PDE2A: variants seen among roughly 807,000 people sequenced by gnomAD.
The protein encoded by PDE2A is cGMP-dependent 3',5'-cyclic phosphodiesterase.
In PDE2A, 53 loss-of-function variants were observed where a neutral mutation model predicts 133.6. The ratio of observed to expected loss-of-function variants is 0.40; its 90% confidence interval spans 0.32 to 0.50. The LOEUF (loss-of-function observed/expected upper bound fraction) is 0.50. Ranked by LOEUF, PDE2A falls within the 20% of genes least tolerant of loss-of-function variation. The pLI is 0.73. For synonymous variants in PDE2A, 491 were observed against 490.2 expected (o/e 1.00, Z -0.02); for missense variants, 796 against 1,232.4 (o/e 0.65, Z 5.30).
chr11:72,647,094 G>A (rs1459172202), intron 1 of PDE2A, among the ~76,000 whole-genome samples: 3 of 152,166 alleles, frequency 2.0e-5, no homozygotes, highest in Non-Finnish European at 4.4e-5. Context: ...GAGCCCTGTG[G>A]TGCCCAGTGA....
intron 1 of PDE2A, among the ~76,000 whole-genome samples, chr11:72,666,204 G>A (rs1325651264): frequency 6.6e-6 from 1 of 152,128 alleles, no homozygotes; most frequent in Admixed American, 6.5e-5. Flanking sequence ...CTGCTCTAGG[G>A]GCTGGAGGGA....
In PDE2A at chr11:72,584,963, G is replaced by A; in HGVS notation, c.1287-19C>T. The A allele has an allele frequency of 1.2e-6, 2 of 1,612,840 alleles. No individual in the cohort carries two copies. Among genetic ancestry groups the A allele is most frequent in the Non-Finnish European group, 1.7e-6 (2 of 1,178,846 alleles). The stretch of plus-strand genomic sequence containing the variant: ...AGAGCAGCTGTGGAGGGAGGGGTTT[G>A]GTCCTCTGGGGCCTGACAACCCCCT... On this transcript the variant is annotated intron_variant, in intron 16 of 30. Coordinates refer to ENST00000334456, the MANE Select transcript of PDE2A (RefSeq NM_002599.5).
At chr11:72,599,129 G>T in intron 4 of PDE2A, 1 of 621,342 alleles carries the variant, frequency 1.6e-6, no homozygotes, top group Non-Finnish European at 2.0e-6. Context: ...TGCGTTGCTG[G>T]TCAGTGCGCA....
intron 2 of PDE2A, among the ~76,000 whole-genome samples, chr11:72,638,489 A>T (rs1213729552): frequency 6.6e-6 from 1 of 152,178 alleles, no homozygotes; most frequent in Admixed American, 6.5e-5. Flanking sequence ...GAGGGTGCAC[A>T]TGCGGAGCCC....
chr11:72,597,533 G>T lies in PDE2A; in HGVS notation c.410C>A (p.Ala137Asp). The T allele has an allele frequency of 6.2e-7, 1 of 1,608,542 alleles. No individual in the cohort carries two copies. Residue 137 changes from alanine (A) to aspartate (D), a missense_variant, in exon 5 of 31, where the codon GCT becomes GAT. By Grantham distance (126) the Ala-to-Asp change is moderately radical. Around this residue, in one of 7 missense-constraint regions of PDE2A, gnomAD observed 417 missense variants for 475.3 expected, o/e 0.88. Transcript: ENST00000334456. The surrounding 1 kb of genome is among the most constrained non-coding windows in gnomAD (Gnocchi z 4.6). Reference protein sequence around the residue: ...LPGKPLARLVAPLAPDTQVLV... With the variant: ...LPGKPLARLVDPLAPDTQVLV... ...ACCTTGGGTATCAGGAGCCAGTGGA[G>T]CCACCAGCCTGGCCAAGGGCTTCCC...
intron 1 of PDE2A, among the ~76,000 whole-genome samples, chr11:72,671,087 C>T (rs1021299220): frequency 6.6e-6 from 1 of 152,182 alleles, no homozygotes; most frequent in African/African-American, 2.4e-5. Flanking sequence ...GTGATTCCTA[C>T]CCATCCTTCA....
chr11:72,598,380 A>G, intron 4 of PDE2A: 1 of 530,726 alleles, frequency 1.9e-6, no homozygotes, highest in South Asian at 1.7e-5. Flanking sequence ...AGGGTATGAC[A>G]GTGGCAGAGG....
chr11:72,614,092 C>G (rs1389163304), intron 2 of PDE2A, among the ~76,000 whole-genome samples: 2 of 152,244 alleles, frequency 1.3e-5, no homozygotes, highest in South Asian at 4.1e-4. Context: ...CTCCTCGCAG[C>G]CTTACAGCAC....
At position 72,587,428 on chromosome 11, in the gene PDE2A, T is replaced by C. The variant is rs184417574; in HGVS notation, c.1071-1247A>G. ...ATGCAGTCATTCAACACTCACTCCCTGAAATGCGTGGGACACAGAGATAGC... is the reference window on the plus strand; with the variant it reads ...ATGCAGTCATTCAACACTCACTCCCCGAAATGCGTGGGACACAGAGATAGC... On this transcript the variant is annotated intron_variant, in intron 13 of 30. Transcript: ENST00000334456. Among the ~76,000 whole-genome samples the C allele has an allele frequency of 7.8e-3, 1,190 of 152,314 alleles. 11 individuals are homozygous for C. The highest frequency in any genetic ancestry group is 0.031 in the Middle Eastern group (9 of 294).
intron 19 of PDE2A, 96 bp downstream of exon 19, chr11:72,584,102 TCAA>T: frequency 1.5e-6 from 1 of 684,940 alleles, no homozygotes; most frequent in South Asian, 1.7e-5. Flanking sequence ...GACCAAGGGA[TCAA>T]TCCACAAGGA....
At chr11:72,660,220 G>A (rs1288665361) in intron 1 of PDE2A, among the ~76,000 whole-genome samples, 1 of 152,152 alleles carries the variant, frequency 6.6e-6, no homozygotes, top group East Asian at 1.9e-4. Flanking sequence ...TGTAAATTAT[G>A]CCTCCATAAA....
At chr11:72,655,538 T>C (rs918729883) in intron 1 of PDE2A, among the ~76,000 whole-genome samples, 1 of 151,750 alleles carries the variant, frequency 6.6e-6, no homozygotes. Context: ...TGTGTGTGTG[T>C]GCACAGGTGA....
intron 2 of PDE2A, chr11:72,631,176 AG>A (rs1423989858): frequency 6.7e-7 from 1 of 1,494,078 alleles, no homozygotes; most frequent in African/African-American, 1.4e-5. Context: ...GAGGCCGGCC[AG>A]GCCTTCTCCC....
intron 6 of PDE2A, among the ~76,000 whole-genome samples, chr11:72,592,583 G>C (rs902250876): frequency 1.3e-5 from 2 of 152,196 alleles, no homozygotes; most frequent in Admixed American, 6.5e-5. Flanking sequence ...AGACCTTGAA[G>C]AGACCAGGAC....
At chr11:72,583,312 G>T (rs1195850279) in intron 20 of PDE2A, 126 bp downstream of exon 20, 2 of 694,362 alleles carry the variant, frequency 2.9e-6, no homozygotes, top group Non-Finnish European at 5.1e-6. Flanking sequence ...CCTAAGGAGG[G>T]CAGGAGGCCT....
rs187793366 is a variant in PDE2A at position 72,608,424 on chromosome 11, C to T, written c.234+238G>A. ...TTCCACTTAACCTCTAAGGCCCCTT[C>T]TGGCTCAGCCATTGCAGGATTCCTA... On this transcript the variant is annotated intron_variant, in intron 3 of 30. Coordinates refer to ENST00000334456, the MANE Select transcript of PDE2A (RefSeq NM_002599.5). Among the ~76,000 whole-genome samples, 23 of 152,348 alleles carry T rather than the reference C, an allele frequency of 1.5e-4. No homozygotes were observed. In the East Asian group the frequency reaches 4.2e-3, roughly 28 times the overall value.
At chr11:72,650,952 G>A (rs1854724594) in intron 1 of PDE2A, among the ~76,000 whole-genome samples, 1 of 150,838 alleles carries the variant, frequency 6.6e-6, no homozygotes, top group South Asian at 2.1e-4. Flanking sequence ...TAAGAGCTGA[G>A]CCCATCAGAG....
At chr11:72,625,190 C>T (rs1030938659) in intron 2 of PDE2A, among the ~76,000 whole-genome samples, 1 of 152,216 alleles carries the variant, frequency 6.6e-6, no homozygotes, top group Non-Finnish European at 1.5e-5. Flanking sequence ...TCTGCCTCCC[C>T]ACTCCAACAT....
In PDE2A at chr11:72,579,718, G is replaced by C. The variant is rs74625945; in HGVS notation, c.2182-110C>G. On this transcript the variant is annotated intron_variant, in intron 25 of 30. Coordinates refer to ENST00000334456, the MANE Select transcript of PDE2A (RefSeq NM_002599.5). ...TCCAGCTCCAGCCCCCAGGTCAGCAGAGCAGTCAGAAAGGGGGAGTCAGGG... is the reference window on the plus strand; with the variant it reads ...TCCAGCTCCAGCCCCCAGGTCAGCACAGCAGTCAGAAAGGGGGAGTCAGGG... 1.4e-3 allele frequency: 1,059 copies of C among 732,134 alleles called. 8 individuals are homozygous for C. In the African/African-American group the frequency reaches 0.017, roughly 12 times the overall value. 45.4% of individuals were successfully genotyped at this position (732,134 alleles called of 1,614,324 possible). A position where few individuals can be genotyped will look rare whatever the true frequency, so the allele number is the denominator to read the frequency against.
Sources: gnomAD v4.1 joint callset for allele counts (sites outside exome capture counted in the v4.1 genomes callset) on GRCh38, gnomAD v4.1.1 for gene constraint, gnomAD v4.1.1 regional missense constraint, Gnocchi (gnomAD v3.1) non-coding constraint, MANE v1.5 for transcripts, NCBI Gene and HGNC (gene_info 2026-07-23, HGNC 2026-07-21) for gene names.